PTPN13: variants seen among roughly 807,000 people sequenced by gnomAD.
The protein encoded by PTPN13 is tyrosine-protein phosphatase non-receptor type 13.
PTPN13 carries 191 observed loss-of-function variants against 284.0 expected under a neutral mutation model. The ratio of observed to expected loss-of-function variants is 0.67; its 90% CI spans 0.60 to 0.76. The LOEUF is 0.76. Ranked by LOEUF, PTPN13 falls within the 30% of genes least tolerant of loss-of-function variation. PTPN13 has a pLI of 0.00. For synonymous variants in PTPN13, 986 were observed against 1,022.3 expected (o/e 0.96, Z 0.68); for missense variants, 2,797 against 2,939.9 (o/e 0.95, Z 1.12).
At chr4:86,651,615 C>CT (rs1725087103) in intron 2 of PTPN13, among the ~76,000 whole-genome samples, 1 of 152,132 alleles carries the variant, frequency 6.6e-6, no homozygotes, top group Non-Finnish European at 1.5e-5. Flanking sequence ...AGGTCCTGGG[C>CT]TTTTCTTTGA....
intron 1 of PTPN13, among the ~76,000 whole-genome samples, chr4:86,612,039 A>G (rs1719954356): frequency 6.6e-6 from 1 of 152,226 alleles, no homozygotes; most frequent in Admixed American, 6.5e-5. Context: ...AATCTTACGC[A>G]GTAGTGAGGA....
At chr4:86,619,994 T>A (rs1409324978) in intron 1 of PTPN13, among the ~76,000 whole-genome samples, 2 of 152,134 alleles carry the variant, frequency 1.3e-5, no homozygotes, top group Non-Finnish European at 2.9e-5. Flanking sequence ...TACCTTCTAT[T>A]TATGGAACAT....
intron 2 of PTPN13, among the ~76,000 whole-genome samples, chr4:86,650,688 A>C (rs932993085): frequency 2.6e-5 from 4 of 152,150 alleles, no homozygotes; most frequent in Admixed American, 1.3e-4. Flanking sequence ...AGCACTTGTA[A>C]ATGGAATTAC....
At chr4:86,804,311 A>C (rs948450343) in intron 43 of PTPN13, among the ~76,000 whole-genome samples, 12 of 152,162 alleles carry the variant, frequency 7.9e-5, no homozygotes, top group African/African-American at 2.7e-4. Flanking sequence ...GTCCATATTT[A>C]CCACTAGAAA....
intron 43 of PTPN13, among the ~76,000 whole-genome samples, chr4:86,804,599 C>T (rs1184935618): frequency 6.6e-6 from 1 of 152,192 alleles, no homozygotes. Flanking sequence ...AAAGTTCCAT[C>T]ACAACCCTTA....
At position 86,803,848 on chromosome 4, in the gene PTPN13, G is replaced by T. The variant is rs756372794; in HGVS notation, c.6645G>T (p.Lys2215Asn). 1 of 1,613,290 alleles carries T rather than the reference G, an allele frequency of 6.2e-7. No homozygotes were observed. Among genetic ancestry groups the T allele is most frequent in the Admixed American group, 1.7e-5 (1 of 59,984 alleles). The change falls in exon 43 of 48, where the codon AAG (lysine) becomes AAT (asparagine). Residue 2215 changes from lysine (K) to asparagine (N), a missense_variant. Lys to Asn is a moderately conservative substitution (Grantham distance 94). Transcript: ENST00000411767. ...RGLLDQGIPS[K>N]ELENLQELKP... ...TGCTAGATCAAGGAATTCCTTCTAA[G>T]GAGCTGGAGGTAAGTGGCTTCTGCC...
chr4:86,797,076 G>A (rs1298690398), intron 41 of PTPN13, 147 bp downstream of exon 41: 10 of 608,610 alleles, frequency 1.6e-5, no homozygotes, highest in Non-Finnish European at 2.4e-5. Context: ...TAAAATTTTC[G>A]GGCCAGGTGC....
intron 2 of PTPN13, among the ~76,000 whole-genome samples, chr4:86,658,000 T>C (rs1276653022): frequency 6.6e-6 from 1 of 152,202 alleles, no homozygotes; most frequent in Non-Finnish European, 1.5e-5. Flanking sequence ...CTGAGACTAG[T>C]GCAGCACCAG....
chr4:86,624,860 T>C (rs1255635635), intron 1 of PTPN13, among the ~76,000 whole-genome samples: 2 of 152,162 alleles, frequency 1.3e-5, no homozygotes, highest in Admixed American at 6.5e-5. Flanking sequence ...AAAAATGCAA[T>C]GGTTCTTTAA....
At chr4:86,606,351 T>A (rs1041727979) in intron 1 of PTPN13, among the ~76,000 whole-genome samples, 2 of 151,928 alleles carry the variant, frequency 1.3e-5, no homozygotes, top group African/African-American at 4.8e-5. Flanking sequence ...TACTCATTTT[T>A]TAATATTCTG....
At position 86,762,869 on chromosome 4, in the gene PTPN13, C is replaced by G; in HGVS notation, c.3696C>G (p.Ser1232=). ...RGTLRHISEN[S]FGPSGGLREG... The stretch of plus-strand genomic sequence containing the variant: ...CCCTGAGGCACATCTCGGAGAACTC[C>G]TTTGGGCCATCTGGGGGCCTGCGGG... Residue 1232 remains serine (S), a synonymous_variant, in exon 24 of 48, where the codon TCC becomes TCG. Transcript: ENST00000411767. 4 of 1,613,940 alleles carry G rather than the reference C, an allele frequency of 2.5e-6. No homozygotes were observed. Among genetic ancestry groups the G allele is most frequent in the Non-Finnish European group, 3.4e-6 (4 of 1,179,854 alleles).
chr4:86,608,018 C>A (rs1764946151), intron 1 of PTPN13, among the ~76,000 whole-genome samples: 1 of 151,906 alleles, frequency 6.6e-6, no homozygotes. Context: ...TAAATCCTTA[C>A]AATAGAATTT....
intron 1 of PTPN13, among the ~76,000 whole-genome samples, chr4:86,609,927 A>T (rs955197118): frequency 6.6e-6 from 1 of 152,172 alleles, no homozygotes; most frequent in Admixed American, 6.5e-5. Context: ...AGAAATTTTT[A>T]AAAACATGTT....
At chr4:86,805,863 G>A (rs915075032) in intron 44 of PTPN13, among the ~76,000 whole-genome samples, 1 of 152,048 alleles carries the variant, frequency 6.6e-6, no homozygotes, top group Admixed American at 6.6e-5. Context: ...GGGAACAAAA[G>A]CAATCATTTT....
chr4:86,753,995 G>A (rs949684809), intron 20 of PTPN13, among the ~76,000 whole-genome samples: 1 of 151,804 alleles, frequency 6.6e-6, no homozygotes, highest in Non-Finnish European at 1.5e-5. Context: ...AGAATTGCTG[G>A]GTATTTTTAG....
chr4:86,601,197 C>T (rs545357764), intron 1 of PTPN13, among the ~76,000 whole-genome samples: 3 of 151,856 alleles, frequency 2.0e-5, no homozygotes, highest in Non-Finnish European at 2.9e-5. Context: ...AAACAAAAAC[C>T]TAAAAATTAA....
At position 86,792,566 on chromosome 4, in the gene PTPN13, C is replaced by T. The variant is rs1742811098; in HGVS notation, c.6346-4308C>T. Among the ~76,000 whole-genome samples, 4 of 151,802 alleles carry T rather than the reference C, an allele frequency of 2.6e-5. No individual in the cohort carries two copies. In the South Asian group the frequency reaches 8.3e-4, roughly 32 times the overall value. ...CAAGACACATAATTGTCAGATTCACCAAGGGTGCAATGAAGGAAAAAATGT... is the reference window on the plus strand; with the variant it reads ...CAAGACACATAATTGTCAGATTCACTAAGGGTGCAATGAAGGAAAAAATGT... On this transcript the variant is annotated intron_variant, in intron 40 of 47. Coordinates refer to ENST00000411767, the MANE Select transcript of PTPN13 (RefSeq NM_080683.3).
intron 3 of PTPN13, among the ~76,000 whole-genome samples, chr4:86,674,498 A>G (rs1282251361): frequency 1.3e-5 from 2 of 152,212 alleles, no homozygotes; most frequent in Non-Finnish European, 2.9e-5. Context: ...ACTAAGCTAA[A>G]GGAAGGCATC....
intron 1 of PTPN13, among the ~76,000 whole-genome samples, chr4:86,604,993 T>C (rs1447431966): frequency 6.6e-6 from 1 of 151,750 alleles, no homozygotes; most frequent in Non-Finnish European, 1.5e-5. Flanking sequence ...GGGAGTAGAG[T>C]GTGAGCTGAG....
Sources: gnomAD v4.1 joint callset for allele counts (sites outside exome capture counted in the v4.1 genomes callset) on GRCh38, gnomAD v4.1.1 for gene constraint, MANE v1.5 for transcripts, NCBI Gene and HGNC (gene_info 2026-07-23, HGNC 2026-07-21) for gene names.